NLK: variants seen among roughly 807,000 people sequenced by gnomAD.
NLK encodes the protein serine/threonine-protein kinase NLK.
In NLK, 11 loss-of-function variants were observed where a neutral mutation model predicts 59.0. That is an observed-to-expected ratio of 0.19 (90% CI 0.12 to 0.31). The LOEUF (loss-of-function observed/expected upper bound fraction) is 0.31. Ranked by LOEUF, NLK falls within the 10% of genes least tolerant of loss-of-function variation. NLK has a pLI of 1.00. For synonymous variants in NLK, 235 were observed against 235.9 expected (o/e 1.00, Z 0.03); for missense variants, 410 against 661.1 (o/e 0.62, Z 4.16).
chr17:28,148,395 A>G (rs1449515510), intron 3 of NLK, among the ~76,000 whole-genome samples: 1 of 152,166 alleles, frequency 6.6e-6, no homozygotes, highest in African/African-American at 2.4e-5. Context: ...AGCATATATG[A>G]TTCATAAGTG....
At position 28,162,592 on chromosome 17, in the gene NLK, G is replaced by A. The variant is rs143260610; in HGVS notation, c.752-951G>A. Among the ~76,000 whole-genome samples, 209 of 152,170 alleles carry A rather than the reference G, an allele frequency of 1.4e-3. 1 individual carries two copies. The highest frequency in any genetic ancestry group is 4.7e-3 in the African/African-American group (195 of 41,534). On this transcript the variant is annotated intron_variant, in intron 4 of 10. Coordinates refer to ENST00000407008, the MANE Select transcript of NLK (RefSeq NM_016231.5). Reference sequence around the variant, plus strand: ...GTGGAGGCTGCAGGGAGCCAAGATCGCGTCACTGCACTCCATCCTGGGCAA... The same window carrying A: ...GTGGAGGCTGCAGGGAGCCAAGATCACGTCACTGCACTCCATCCTGGGCAA...
At chr17:28,156,798 C>G (rs1185416122) in intron 3 of NLK, among the ~76,000 whole-genome samples, 2 of 152,100 alleles carry the variant, frequency 1.3e-5, no homozygotes, top group African/African-American at 4.8e-5. Context: ...TATTCTTGTT[C>G]CACATTAAAT....
intron 1 of NLK, among the ~76,000 whole-genome samples, chr17:28,076,988 G>GT (rs1910179157): frequency 6.8e-6 from 1 of 147,484 alleles, no homozygotes; most frequent in African/African-American, 2.5e-5. Flanking sequence ...TCATGCCATG[G>GT]TTTTTTTAAA....
intron 1 of NLK, among the ~76,000 whole-genome samples, chr17:28,057,580 A>G (rs1301299834): frequency 6.6e-6 from 1 of 152,192 alleles, no homozygotes; most frequent in East Asian, 1.9e-4. Context: ...TGTGGTTTTT[A>G]TCTCAGGTTG....
intron 3 of NLK, among the ~76,000 whole-genome samples, chr17:28,157,654 T>A (rs2142044621): frequency 6.6e-6 from 1 of 152,192 alleles, no homozygotes; most frequent in South Asian, 2.1e-4. Flanking sequence ...AAAATGTTAC[T>A]TAAAAAAAAG....
At chr17:28,169,721 C>CTTTTTTTTTTTTTTTTT (rs1193124964) in intron 6 of NLK, among the ~76,000 whole-genome samples, 2 of 111,620 alleles carry the variant, frequency 1.8e-5, no homozygotes, top group African/African-American at 6.8e-5. Flanking sequence ...GCTTCTTCTT[C>CTTTTTTTTTTTTTTTTT]TTTTTTTTTT....
chr17:28,109,813 T>C (rs925957874), intron 1 of NLK, among the ~76,000 whole-genome samples: 1 of 152,250 alleles, frequency 6.6e-6, no homozygotes, highest in Non-Finnish European at 1.5e-5. Flanking sequence ...TGTGTGGACA[T>C]AAGTTTTCAT....
chr17:28,161,153 CT>C lies in NLK; in HGVS notation c.645-5del. On this transcript the variant is annotated splice_region_variant and splice_polypyrimidine_tract_variant and intron_variant, in intron 3 of 10. Transcript: ENST00000407008. ...TCGCCGAACTCTCCTTAACTTAAAA[CT>C]TCAAGATATGTTGTCACAGAATTGA... The C allele has an allele frequency of 6.5e-7, 1 of 1,549,550 alleles. No homozygotes were observed.
At chr17:28,144,275 C>T (rs1021044492) in intron 3 of NLK, among the ~76,000 whole-genome samples, 1 of 151,832 alleles carries the variant, frequency 6.6e-6, no homozygotes, top group African/African-American at 2.4e-5. Context: ...TGTTTTAAAG[C>T]ACTGTTTAAA....
intron 1 of NLK, among the ~76,000 whole-genome samples, chr17:28,120,071 T>C (rs1905959532): frequency 6.6e-6 from 1 of 152,206 alleles, no homozygotes; most frequent in Non-Finnish European, 1.5e-5. Flanking sequence ...CCCTTTTTCG[T>C]ATTTCATTGA....
At chr17:28,112,784 TA>T (rs898874832) in intron 1 of NLK, among the ~76,000 whole-genome samples, 4 of 152,170 alleles carry the variant, frequency 2.6e-5, no homozygotes, top group African/African-American at 9.7e-5. Flanking sequence ...GTGATTAGAT[TA>T]GGGGTGGGGC....
chr17:28,053,931 A>G (rs866939869), intron 1 of NLK, among the ~76,000 whole-genome samples: 1 of 152,236 alleles, frequency 6.6e-6, no homozygotes, highest in Non-Finnish European at 1.5e-5. Flanking sequence ...GGGTACAATT[A>G]TCAGGTGATT....
intron 3 of NLK, among the ~76,000 whole-genome samples, chr17:28,149,882 C>G (rs1907410636): frequency 6.6e-6 from 1 of 152,162 alleles, no homozygotes; most frequent in African/African-American, 2.4e-5. Context: ...ACAGTGACTT[C>G]TCATTTGGAA....
Position 28,192,204 on chromosome 17 carries a change from G to C in NLK, c.1520G>C (p.Ser507Thr). Residue 507 changes from serine to threonine, a missense_variant, in exon 10 of 11, where the codon AGC (serine) becomes ACC (threonine). Around this residue, in one of 5 missense-constraint regions of NLK, gnomAD observed 25 missense variants for 29.7 expected, o/e 0.84. Coordinates refer to ENST00000407008, the MANE Select transcript of NLK (RefSeq NM_016231.5). Reference protein sequence around the residue: ...CINPQSAAFKSFISSTVAQPS... With the variant: ...CINPQSAAFKTFISSTVAQPS... ...AACCCTCAGTCTGCTGCTTTTAAGA[G>C]CTTTATTAGGTAACTATATGTATGT... 1 of 1,564,336 alleles carries C rather than the reference G, an allele frequency of 6.4e-7. No individual in the cohort carries two copies. Among genetic ancestry groups the C allele is most frequent in the Middle Eastern group, 1.7e-4 (1 of 5,934 alleles).
chr17:28,122,680 G>T lies in NLK; in HGVS notation c.536G>T (p.Cys179Phe). 1 of 1,613,832 alleles carries T rather than the reference G, an allele frequency of 6.2e-7. No individual in the cohort carries two copies. The highest frequency in any genetic ancestry group is 8.5e-7 in the Non-Finnish European group (1 of 1,179,800). The change falls in exon 2 of 11, where the codon TGC becomes TTC. Residue 179 changes from cysteine (C) to phenylalanine (F), a missense_variant. Transcript: ENST00000407008. Reference sequence around the variant, plus strand: ...AACGTCTTCCAGAATCTGGTCTCTTGCAAAAGGGTCTTCCGGGAATTGAAG... The same window carrying T: ...AACGTCTTCCAGAATCTGGTCTCTTTCAAAAGGGTCTTCCGGGAATTGAAG... Reference protein sequence around the residue: ...MPNVFQNLVSCKRVFRELKML... With the variant: ...MPNVFQNLVSFKRVFRELKML...
chr17:28,169,958 G>A lies in NLK; in HGVS notation c.1047+1301G>A, dbSNP rs1232748948. On this transcript the variant is annotated intron_variant, in intron 6 of 10. Transcript: ENST00000407008. Reference sequence around the variant, plus strand: ...AATATGCAAATAAATATGATTCCAAGTAATGGAAGTTCCATAAAGAAAAAT... The same window carrying A: ...AATATGCAAATAAATATGATTCCAAATAATGGAAGTTCCATAAAGAAAAAT... Among the ~76,000 whole-genome samples the A allele has an allele frequency of 2.0e-5, 3 of 152,086 alleles. No individual in the cohort carries two copies. In the East Asian group the frequency reaches 5.8e-4, roughly 29 times the overall value.
At chr17:28,124,216 T>C (rs1471061595) in intron 2 of NLK, among the ~76,000 whole-genome samples, 2 of 152,182 alleles carry the variant, frequency 1.3e-5, no homozygotes, top group African/African-American at 4.8e-5. Context: ...ATATGCTTGT[T>C]TTAATACATT....
intron 2 of NLK, among the ~76,000 whole-genome samples, chr17:28,127,584 C>T (rs552716689): frequency 6.6e-6 from 1 of 152,252 alleles, no homozygotes; most frequent in African/African-American, 2.4e-5. Flanking sequence ...AGATTACTGT[C>T]ACATTTAAAA....
At chr17:28,126,490 A>G (rs890550472) in intron 2 of NLK, among the ~76,000 whole-genome samples, 4 of 152,216 alleles carry the variant, frequency 2.6e-5, no homozygotes, top group African/African-American at 9.6e-5. Flanking sequence ...TTGATTGAAG[A>G]AGAAAGGAAT....
Sources: allele counts gnomAD v4.1 joint callset (sites outside exome capture counted in the v4.1 genomes callset), GRCh38; gene constraint gnomAD v4.1.1; regional missense constraint gnomAD v4.1.1; transcripts MANE v1.5; gene names NCBI Gene and HGNC (gene_info 2026-07-23, HGNC 2026-07-21).